SCD5: variants seen among roughly 807,000 people sequenced by gnomAD.
The protein encoded by SCD5 is stearoyl-CoA desaturase 5, also known as acyl-CoA-desaturase 4.
A neutral mutation model predicts 30.4 loss-of-function variants in SCD5; 20 were observed. The observed-to-expected ratio is 0.66, with a 90% CI of 0.46 to 0.96. The LOEUF is 0.96. Among genes scored for constraint, SCD5 ranks in the 40% least tolerant of loss-of-function variants. SCD5 has a pLI of 0.00. For synonymous variants in SCD5, 173 were observed against 176.4 expected (o/e 0.98, Z 0.16); for missense variants, 381 against 443.3 (o/e 0.86, Z 1.26).
intron 1 of SCD5, among the ~76,000 whole-genome samples, chr4:82,777,562 T>C (rs967851384): frequency 6.6e-6 from 1 of 152,194 alleles, no homozygotes; most frequent in African/African-American, 2.4e-5. Flanking sequence ...CAGGGCCCCA[T>C]CCTTAGGAGG....
intron 1 of SCD5, among the ~76,000 whole-genome samples, chr4:82,798,053 C>T (rs1474996803): frequency 7.1e-6 from 1 of 140,480 alleles, no homozygotes; most frequent in Non-Finnish European, 1.6e-5. Context: ...CCGGCAAATG[C>T]GCTTCCTCAG....
At chr4:82,700,649 T>A (rs1445113828) in intron 2 of SCD5, among the ~76,000 whole-genome samples, 1 of 151,896 alleles carries the variant, frequency 6.6e-6, no homozygotes, top group Non-Finnish European at 1.5e-5. Flanking sequence ...AAGCTGGGTG[T>A]GGTGCTATGT....
At position 82,698,387 on chromosome 4, in the gene SCD5, C is replaced by T. The variant is rs560801905; in HGVS notation, c.363+6896G>A. Among the ~76,000 whole-genome samples, 3 of 152,260 alleles carry T rather than the reference C, an allele frequency of 2.0e-5. No homozygotes were observed. The South Asian group carries it at 6.2e-4, about 32-fold the overall frequency. On this transcript the variant is annotated intron_variant, in intron 2 of 4. Transcript: ENST00000319540. ...GGGTGCTGCCTCGCACACAAGTCTC[C>T]CTCCTTGACATGCACACCCCCCAGA...
At chr4:82,638,473 C>T (rs1280724351) in intron 3 of SCD5, among the ~76,000 whole-genome samples, 2 of 152,158 alleles carry the variant, frequency 1.3e-5, no homozygotes, top group Non-Finnish European at 2.9e-5. Flanking sequence ...TGATGGGTCA[C>T]AATATACCTC....
At chr4:82,786,110 T>C (rs773299106) in intron 1 of SCD5, among the ~76,000 whole-genome samples, 1 of 152,198 alleles carries the variant, frequency 6.6e-6, no homozygotes, top group South Asian at 2.1e-4. Flanking sequence ...GCCTAAAGAA[T>C]AGTAAGTTGG....
chr4:82,723,168 A>C (rs1720405165), intron 1 of SCD5, among the ~76,000 whole-genome samples: 1 of 152,058 alleles, frequency 6.6e-6, no homozygotes, highest in African/African-American at 2.4e-5. Context: ...GGTGTCTGTA[A>C]CATTTCTACC....
intron 1 of SCD5, among the ~76,000 whole-genome samples, chr4:82,754,703 T>C (rs1721194788): frequency 6.6e-6 from 1 of 152,254 alleles, no homozygotes; most frequent in Admixed American, 6.5e-5. Context: ...GCATCAGTAC[T>C]AAGCTCCAAG....
chr4:82,780,128 T>C (rs552873766), intron 1 of SCD5, among the ~76,000 whole-genome samples: 10 of 152,348 alleles, frequency 6.6e-5, no homozygotes, highest in East Asian at 5.8e-4. Context: ...TAGGAACATC[T>C]GTAGCCAGTT....
At chr4:82,720,441 T>TACAAAAA (rs778480466) in intron 1 of SCD5, among the ~76,000 whole-genome samples, 962 of 77,784 alleles carry the variant, frequency 0.012, 120 homozygotes, top group African/African-American at 0.046. Flanking sequence ...AAGGCAAAAA[T>TACAAAAA]AAAAAAAAAA....
At chr4:82,746,993 A>G (rs1721002354) in intron 1 of SCD5, among the ~76,000 whole-genome samples, 1 of 151,746 alleles carries the variant, frequency 6.6e-6, no homozygotes, top group South Asian at 2.1e-4. Context: ...ACACCCACAG[A>G]CCAGCAACAG....
At chr4:82,632,716 A>C (rs1156472669) in intron 4 of SCD5, among the ~76,000 whole-genome samples, 3 of 152,142 alleles carry the variant, frequency 2.0e-5, no homozygotes, top group Non-Finnish European at 4.4e-5. Flanking sequence ...CTGACTTTTT[A>C]ATGATCGCCA....
intron 2 of SCD5, among the ~76,000 whole-genome samples, chr4:82,682,020 T>G (rs78404144): frequency 0.013 from 1,946 of 152,292 alleles, 21 homozygotes; most frequent in Non-Finnish European, 0.019. Flanking sequence ...TTAGGACTGC[T>G]CTAACAGAGT....
chr4:82,720,906 C>T lies in SCD5; in HGVS notation c.233-15493G>A, dbSNP rs1246838434. 3.3e-5 allele frequency among the ~76,000 whole-genome samples: 5 copies of T among 152,346 alleles called. No individual in the cohort carries two copies. The East Asian group carries it at 9.6e-4, about 29-fold the overall frequency. Reference sequence around the variant, plus strand: ...GTCACTCATGCCTGTAATCCCAGCACTTCAGGACGCCGAGGTGAGGGGATC... The same window carrying T: ...GTCACTCATGCCTGTAATCCCAGCATTTCAGGACGCCGAGGTGAGGGGATC... On this transcript the variant is annotated intron_variant, in intron 1 of 4. Coordinates refer to ENST00000319540, the MANE Select transcript of SCD5 (RefSeq NM_001037582.3).
At chr4:82,734,425 C>T (rs1720704555) in intron 1 of SCD5, among the ~76,000 whole-genome samples, 1 of 152,206 alleles carries the variant, frequency 6.6e-6, no homozygotes, top group African/African-American at 2.4e-5. Flanking sequence ...CACACTTTTC[C>T]TCTACGTATA....
chr4:82,785,549 C>T (rs1320307370), intron 1 of SCD5, among the ~76,000 whole-genome samples: 2 of 152,188 alleles, frequency 1.3e-5, no homozygotes, highest in Non-Finnish European at 2.9e-5. Context: ...GAGAATTACT[C>T]GTTTCCTGGT....
At chr4:82,713,318 T>G (rs1720149901) in intron 1 of SCD5, among the ~76,000 whole-genome samples, 1 of 133,776 alleles carries the variant, frequency 7.5e-6, no homozygotes, top group Non-Finnish European at 1.8e-5. Flanking sequence ...CCTGGTTGAT[T>G]TACAGCTTAT....
At chr4:82,708,877 A>C (rs917927837) in intron 1 of SCD5, among the ~76,000 whole-genome samples, 5 of 152,176 alleles carry the variant, frequency 3.3e-5, no homozygotes, top group African/African-American at 9.6e-5. Flanking sequence ...CCTCGCTTAT[A>C]ATCTGTATCT....
intron 1 of SCD5, among the ~76,000 whole-genome samples, chr4:82,785,128 C>T (rs1212161195): frequency 6.6e-6 from 1 of 152,158 alleles, no homozygotes; most frequent in Non-Finnish European, 1.5e-5. Context: ...CACCCCCCAT[C>T]CCCCCAGCTC....
At chr4:82,795,442 T>G (rs1722191051) in intron 1 of SCD5, among the ~76,000 whole-genome samples, 1 of 152,172 alleles carries the variant, frequency 6.6e-6, no homozygotes, top group Non-Finnish European at 1.5e-5. Flanking sequence ...CCTGAGTCAG[T>G]GGTCTGCCTC....
Sources: allele counts gnomAD v4.1 joint callset (sites outside exome capture counted in the v4.1 genomes callset), GRCh38; gene constraint gnomAD v4.1.1; transcripts MANE v1.5; gene names NCBI Gene and HGNC (gene_info 2026-07-23, HGNC 2026-07-21).